Variants in RBAK observed in about 807,000 individuals in gnomAD.
RBAK encodes RB associated KRAB zinc finger.
In RBAK, 39 loss-of-function variants were observed where a neutral mutation model predicts 65.8. The observed-to-expected ratio is 0.59, with a 90% CI of 0.46 to 0.77. The LOEUF (loss-of-function observed/expected upper bound fraction) is 0.77. Ranked by LOEUF, RBAK falls within the 30% of genes least tolerant of loss-of-function variation. RBAK has a pLI of 0.00. For missense variants in RBAK, 884 were observed against 855.1 expected (o/e 1.03, Z -0.42); for synonymous variants, 343 against 289.7 (o/e 1.18, Z -1.87).
chr7:5,064,493 A>C lies in RBAK; in HGVS notation c.1037A>C (p.Glu346Ala). 1.2e-6 allele frequency: 2 copies of C among 1,614,042 alleles called. No homozygotes were observed. Among genetic ancestry groups the C allele is most frequent in the Non-Finnish European group, 1.7e-6 (2 of 1,179,962 alleles). ...LRTHSGEKPYECSECGKTFCQ... is the reference protein window; with the variant it reads ...LRTHSGEKPYACSECGKTFCQ... Reference sequence around the variant, plus strand: ...ACTCATTCAGGAGAGAAACCCTACGAATGTAGCGAATGTGGGAAAACCTTC... The same window carrying C: ...ACTCATTCAGGAGAGAAACCCTACGCATGTAGCGAATGTGGGAAAACCTTC... The change falls in exon 5 of 5, where the codon GAA becomes GCA. Residue 346 changes from glutamate (E) to alanine (A), a missense_variant. Coordinates refer to ENST00000396912, the MANE Select transcript of RBAK (RefSeq NM_021163.4). This position sits in a 1 kb window ranked among gnomAD's most constrained non-coding sequence, Gnocchi z 6.3.
At position 5,063,709 on chromosome 7, in the gene RBAK, G is replaced by A; in HGVS notation, c.253G>A (p.Asp85Asn). The change falls in exon 5 of 5, where the codon GAT becomes AAT. Residue 85 changes from aspartate to asparagine, a missense_variant. Coordinates refer to ENST00000396912, the MANE Select transcript of RBAK (RefSeq NM_021163.4). The stretch of plus-strand genomic sequence containing the variant: ...TTCCTTTTTAGAAGCCTGGAGAGTT[G>A]ATGACCTGATAGAGAGAATCCAAGA... ...CQHSPEAWRV[D>N]DLIERIQENE... 1 of 1,604,998 alleles carries A rather than the reference G, an allele frequency of 6.2e-7. No homozygotes were observed. The highest frequency in any genetic ancestry group is 8.5e-7 in the Non-Finnish European group (1 of 1,176,786).
chr7:5,057,072 A>T (rs1030388031), intron 2 of RBAK: 31 of 208,340 alleles, frequency 1.5e-4, no homozygotes, highest in South Asian at 8.5e-4. Context: ...ATATATATAT[A>T]TTTTTTATAT....
At chr7:5,055,536 G>A (rs1788209760) in intron 2 of RBAK, among the ~76,000 whole-genome samples, 1 of 151,958 alleles carries the variant, frequency 6.6e-6, no homozygotes, top group Non-Finnish European at 1.5e-5. Context: ...CTGTGTTATA[G>A]TGGCTTATCA....
At position 5,067,855 on chromosome 7, in the gene RBAK, A is replaced by G. The variant is rs1779258302; in HGVS notation, c.*2254A>G. 6.6e-6 allele frequency: 1 copy of G among 152,196 alleles called. No homozygotes were observed. Among genetic ancestry groups the G allele is most frequent in the Non-Finnish European group, 1.5e-5 (1 of 68,032 alleles). 9.4% of individuals were successfully genotyped at this position (152,196 alleles called of 1,614,324 possible). On this transcript the variant is annotated 3_prime_UTR_variant, in exon 5 of 5. Transcript: ENST00000396912. ...AAAGGGTGTTCTTTCCAGTAAATGTACTTTGCCAATAAAATTTTGTAATTT... is the reference window on the plus strand; with the variant it reads ...AAAGGGTGTTCTTTCCAGTAAATGTGCTTTGCCAATAAAATTTTGTAATTT...
Position 5,068,292 on chromosome 7 carries a change from A to T in RBAK, c.*2691A>T, listed in dbSNP as rs1779269815. The T allele has an allele frequency of 6.6e-6, 1 of 152,152 alleles. No homozygotes were observed. The highest frequency in any genetic ancestry group is 1.5e-5 in the Non-Finnish European group (1 of 68,030). The allele number at this position is 152,152 out of a possible 1,614,324, so 9.4% of individuals were successfully genotyped here. A position where few individuals can be genotyped will look rare whatever the true frequency, so the allele number is the denominator to read the frequency against. ...AGCATGGCTGCTTCCCAGTAAAACC[A>T]TTCACAATCCCAGGTGGCAGTCTGG... is the stretch of plus-strand genomic sequence containing the variant. On this transcript the variant is annotated 3_prime_UTR_variant, in exon 5 of 5. Coordinates refer to ENST00000396912, the MANE Select transcript of RBAK (RefSeq NM_021163.4).
chr7:5,062,876 C>T (rs946233644), intron 4 of RBAK, among the ~76,000 whole-genome samples: 15 of 152,282 alleles, frequency 9.9e-5, no homozygotes, highest in African/African-American at 2.2e-4. Flanking sequence ...CCCGGCTCAC[C>T]GGCAGTCAGA....
intron 4 of RBAK, among the ~76,000 whole-genome samples, chr7:5,059,676 A>G (rs1369206278): frequency 1.3e-5 from 2 of 152,156 alleles, no homozygotes; most frequent in Non-Finnish European, 2.9e-5. Flanking sequence ...TGACCACTCC[A>G]GTCTTTCCTT....
intron 4 of RBAK, among the ~76,000 whole-genome samples, chr7:5,058,468 C>T (rs1475501775): frequency 1.3e-5 from 2 of 152,154 alleles, no homozygotes; most frequent in African/African-American, 4.8e-5. Context: ...TTCTTTCCTT[C>T]CTTGCTTTAA....
At chr7:5,054,142 C>T (rs1475286563) in intron 2 of RBAK, among the ~76,000 whole-genome samples, 1 of 152,160 alleles carries the variant, frequency 6.6e-6, no homozygotes, top group Non-Finnish European at 1.5e-5. Flanking sequence ...CGTGGTGGCT[C>T]ATACCTGTAA....
In RBAK at chr7:5,064,019, C is replaced by A; in HGVS notation, c.563C>A (p.Ser188Tyr). 1 of 1,613,406 alleles carries A rather than the reference C, an allele frequency of 6.2e-7. No homozygotes were observed. Among genetic ancestry groups the A allele is most frequent in the Non-Finnish European group, 8.5e-7 (1 of 1,179,814 alleles). ...CEFNQNGDTY[S>Y]HNEENILQKI... ...TTTAATCAAAATGGGGATACCTATT[C>A]TCACAATGAAGAAAATATTCTTCAG... Residue 188 changes from serine (S) to tyrosine (Y), a missense_variant, in exon 5 of 5, where the codon TCT (serine) becomes TAT (tyrosine). Coordinates refer to ENST00000396912, the MANE Select transcript of RBAK (RefSeq NM_021163.4). The surrounding 1 kb of genome is among the most constrained non-coding windows in gnomAD (Gnocchi z 6.3).
At chr7:5,047,827 GATCACTTGAGGCCAGAA>G (rs912735663) in intron 1 of RBAK, among the ~76,000 whole-genome samples, 189 bp from the exon 2 acceptor site, 9 of 151,566 alleles carry the variant, frequency 5.9e-5, no homozygotes, top group Non-Finnish European at 1.3e-4. Context: ...AAGGAAGGCG[GATCACTTGAGGCCAGAA>G]TTCGAGACCA....
In RBAK at chr7:5,062,279, C is replaced by T. The variant is rs11975610; in HGVS notation, c.239-1416C>T. Among the ~76,000 whole-genome samples the T allele has an allele frequency of 8.6e-3, 1,315 of 152,188 alleles. 20 individuals are homozygous for T. The highest frequency in any genetic ancestry group is 0.03 in the African/African-American group (1,254 of 41,510). On this transcript the variant is annotated intron_variant, in intron 4 of 4. Transcript: ENST00000396912. ...GTTCTTTTCTATTTTCCCTAAGCAT[C>T]GGCTGGTTTGAGAAATAAAGGAACA...
rs1406206372 is a variant in RBAK, at chr7:5,065,464, T to C, written c.2008T>C (p.Tyr670His). Residue 670 changes from tyrosine to histidine, a missense_variant, in exon 5 of 5, where the codon TAT (tyrosine) becomes CAT (histidine). Tyr to His is a moderately conservative substitution (Grantham distance 83, BLOSUM62 2). Transcript: ENST00000396912. This position sits in a 1 kb window ranked among gnomAD's most constrained non-coding sequence, Gnocchi z 5.3. ...TCAGAAGTCATACCTCACTGTACAC[T>C]ATAGAACTCATTCAGGAGAGAAACC... ...FSQKSYLTVH[Y>H]RTHSGEKPYE... The C allele has an allele frequency of 6.2e-7, 1 of 1,612,918 alleles. No homozygotes were observed. Among genetic ancestry groups the C allele is most frequent in the East Asian group, 2.2e-5 (1 of 44,846 alleles).
At chr7:5,061,199 G>A (rs1675395385) in intron 4 of RBAK, among the ~76,000 whole-genome samples, 1 of 152,006 alleles carries the variant, frequency 6.6e-6, no homozygotes, top group Non-Finnish European at 1.5e-5. Flanking sequence ...TATGATTTAG[G>A]CACTCATATT....
intron 2 of RBAK, among the ~76,000 whole-genome samples, chr7:5,054,571 C>G (rs1788183986): frequency 6.6e-6 from 1 of 151,862 alleles, no homozygotes; most frequent in Non-Finnish European, 1.5e-5. Context: ...GTCCTCATGT[C>G]TCTCTCTATA....
intron 2 of RBAK, among the ~76,000 whole-genome samples, chr7:5,054,745 T>C (rs1436022823): frequency 2.0e-5 from 3 of 152,166 alleles, no homozygotes; most frequent in Non-Finnish European, 4.4e-5. Context: ...GATCCAGTTT[T>C]GTCCATGTCC....
At position 5,064,920 on chromosome 7, in the gene RBAK, TG is replaced by T; in HGVS notation, c.1465del (p.Glu489AsnfsTer18). 6.2e-7 allele frequency: 1 copy of T among 1,614,080 alleles called. No individual in the cohort carries two copies. The highest frequency in any genetic ancestry group is 8.5e-7 in the Non-Finnish European group (1 of 1,179,964). ...CAGAAGAGAAATCCCATGAATGTAG[TG>T]AATGTGGAAAGTTCTCTCAGTTGTA... is the stretch of plus-strand genomic sequence containing the variant. ...HTEEKSHECS[E>X]CGKFSQLYLT... On this transcript the variant is annotated frameshift_variant, in exon 5 of 5. Coordinates refer to ENST00000396912, the MANE Select transcript of RBAK (RefSeq NM_021163.4). LOFTEE classifies it high-confidence loss of function. This position sits in a 1 kb window ranked among gnomAD's most constrained non-coding sequence, Gnocchi z 6.3.
At chr7:5,047,796 T>C (rs142394070) in intron 1 of RBAK, among the ~76,000 whole-genome samples, 5,938 of 151,584 alleles carry the variant, frequency 0.039, 415 homozygotes, top group African/African-American at 0.14. Context: ...TAAGTAGAGA[T>C]GGGGTTTCGC....
intron 2 of RBAK, 39 bp from the exon 3 acceptor site, chr7:5,057,256 T>C (rs755782650): frequency 6.2e-7 from 1 of 1,613,862 alleles, no homozygotes. Context: ...CCCTATCCCT[T>C]TTCCGTATCT....
Sources: gnomAD v4.1 joint callset for allele counts (sites outside exome capture counted in the v4.1 genomes callset) on GRCh38, gnomAD v4.1.1 for gene constraint, Gnocchi (gnomAD v3.1) non-coding constraint, MANE v1.5 for transcripts, NCBI Gene and HGNC (gene_info 2026-07-23, HGNC 2026-07-21) for gene names.